GPATCH2: variants seen among roughly 807,000 people sequenced by gnomAD.
The protein encoded by GPATCH2 is G-patch domain containing 2.
A neutral mutation model predicts 58.0 loss-of-function variants in GPATCH2; 51 were observed. That is an observed-to-expected ratio of 0.88 (90% confidence interval 0.70 to 1.11). The LOEUF (loss-of-function observed/expected upper bound fraction) is 1.11. Among genes scored for constraint, GPATCH2 ranks in the 50% most tolerant of loss-of-function variants. The pLI, the probability that GPATCH2 is intolerant of heterozygous loss-of-function variation, is 0.00. For synonymous variants in GPATCH2, 222 were observed against 218.5 expected, an observed-to-expected ratio of 1.02 and a Z score of -0.14; for missense variants, 625 against 652.2, an observed-to-expected ratio of 0.96 and a Z score of 0.45.
intron 5 of GPATCH2, among the ~76,000 whole-genome samples, chr1:217,538,111 C>A (rs533877846): frequency 6.6e-6 from 1 of 152,044 alleles, no homozygotes; most frequent in African/African-American, 2.4e-5. Context: ...AATCTACATC[C>A]ATTTAAAAAA....
At chr1:217,579,604 CCAA>C (rs1404549354) in intron 5 of GPATCH2, among the ~76,000 whole-genome samples, 1 of 152,088 alleles carries the variant, frequency 6.6e-6, no homozygotes, top group Non-Finnish European at 1.5e-5. Flanking sequence ...TTGGGGTTGA[CCAA>C]CAACCTATAG....
intron 7 of GPATCH2, chr1:217,498,143 G>A (rs1017641660): frequency 7.8e-6 from 5 of 637,566 alleles, no homozygotes; most frequent in African/African-American, 1.8e-5. Context: ...TATGACTGAA[G>A]ACAGTGGCAG....
At chr1:217,612,739 T>C (rs1460696876) in intron 3 of GPATCH2, among the ~76,000 whole-genome samples, 1 of 152,110 alleles carries the variant, frequency 6.6e-6, no homozygotes, top group African/African-American at 2.4e-5. Context: ...TATTCTTCAA[T>C]AGGGAAATCA....
rs139524969 is a variant in GPATCH2 at position 217,487,692 on chromosome 1, T to C, written c.1277+3988A>G. Among the ~76,000 whole-genome samples the C allele has an allele frequency of 3.1e-3, 479 of 152,282 alleles. 8 individuals are homozygous for C. The highest frequency in any genetic ancestry group is 0.021 in the Admixed American group (318 of 15,296). On this transcript the variant is annotated intron_variant, in intron 8 of 9. Coordinates refer to ENST00000366935, the MANE Select transcript of GPATCH2 (RefSeq NM_018040.5). ...CGCCCACCTCGGCCTCCCAAAGTGCTGGGATTGCAGGCATGAGCCACTGCA... is the reference window on the plus strand; with the variant it reads ...CGCCCACCTCGGCCTCCCAAAGTGCCGGGATTGCAGGCATGAGCCACTGCA...
At chr1:217,514,131 C>T (rs79797477) in intron 6 of GPATCH2, among the ~76,000 whole-genome samples, 14 of 145,214 alleles carry the variant, frequency 9.6e-5, no homozygotes, top group South Asian at 2.2e-4. Flanking sequence ...CTGGCCCCCC[C>T]GCAAAAAAAG....
At chr1:217,490,917 T>C (rs1303782337) in intron 8 of GPATCH2, among the ~76,000 whole-genome samples, 1 of 152,222 alleles carries the variant, frequency 6.6e-6, no homozygotes, top group African/African-American at 2.4e-5. Context: ...CAGTGGGATC[T>C]CAGTTGGCAT....
At chr1:217,473,712 A>G (rs1214612516) in intron 8 of GPATCH2, among the ~76,000 whole-genome samples, 1 of 152,214 alleles carries the variant, frequency 6.6e-6, no homozygotes, top group African/African-American at 2.4e-5. Context: ...TCAACATGAT[A>G]TAAGCAAGGT....
At chr1:217,502,089 C>T (rs1304571302) in intron 6 of GPATCH2, among the ~76,000 whole-genome samples, 1 of 152,044 alleles carries the variant, frequency 6.6e-6, no homozygotes, top group Non-Finnish European at 1.5e-5. Flanking sequence ...GTGTCTATCC[C>T]TCTACCAATA....
chr1:217,597,753 T>A (rs183637368), intron 5 of GPATCH2, among the ~76,000 whole-genome samples: 1 of 152,256 alleles, frequency 6.6e-6, no homozygotes, highest in East Asian at 1.9e-4. Flanking sequence ...CTGTCCTTGT[T>A]TATAACAAGA....
rs552301460 is a variant in GPATCH2 at position 217,494,779 on chromosome 1, A to T, written c.1207-3029T>A. The stretch of plus-strand genomic sequence containing the variant: ...GAAGACTCCCAACATATTTTTTTTT[A>T]AAGTCAGATTATGAATTCAAAACAA... On this transcript the variant is annotated intron_variant, in intron 7 of 9. Transcript: ENST00000366935. Among the ~76,000 whole-genome samples, 797 of 151,568 alleles carry T rather than the reference A, an allele frequency of 5.3e-3. 7 individuals are homozygous for T. Among genetic ancestry groups the T allele is most frequent in the African/African-American group, 0.018 (761 of 41,424 alleles).
At chr1:217,571,029 C>T (rs1666512639) in intron 5 of GPATCH2, among the ~76,000 whole-genome samples, 1 of 152,178 alleles carries the variant, frequency 6.6e-6, no homozygotes, top group Admixed American at 6.5e-5. Flanking sequence ...CTACCAGGTG[C>T]TATTCTTGGC....
In GPATCH2 at chr1:217,569,978, G is replaced by A. The variant is rs191576941; in HGVS notation, c.1098+40343C>T. Among the ~76,000 whole-genome samples, 599 of 152,204 alleles carry A rather than the reference G, an allele frequency of 3.9e-3. 3 individuals are homozygous for A. Among genetic ancestry groups the A allele is most frequent in the Non-Finnish European group, 5.0e-3 (341 of 68,002 alleles). Reference sequence around the variant, plus strand: ...TTGGAGGGTTGGTAGGGGTGACAAAGCCTCTTCAAATCCTCAGATTTTTGA... The same window carrying A: ...TTGGAGGGTTGGTAGGGGTGACAAAACCTCTTCAAATCCTCAGATTTTTGA... On this transcript the variant is annotated intron_variant, in intron 5 of 9. Transcript: ENST00000366935.
chr1:217,614,490 T>C (rs994004474), intron 2 of GPATCH2, among the ~76,000 whole-genome samples: 1 of 152,006 alleles, frequency 6.6e-6, no homozygotes, highest in African/African-American at 2.4e-5. Context: ...ATCATGTACT[T>C]TCATCAAATG....
intron 5 of GPATCH2, among the ~76,000 whole-genome samples, chr1:217,608,020 T>A (rs1668442535): frequency 6.6e-6 from 1 of 152,212 alleles, no homozygotes; most frequent in Admixed American, 6.5e-5. Flanking sequence ...TCACTTCTTA[T>A]TACCAGATGT....
At chr1:217,434,793 G>A (rs573565265) in intron 9 of GPATCH2, among the ~76,000 whole-genome samples, 7 of 152,022 alleles carry the variant, frequency 4.6e-5, no homozygotes, top group Non-Finnish European at 7.4e-5. Flanking sequence ...TTTCAAGCAG[G>A]GTAGCCCAGG....
intron 5 of GPATCH2, among the ~76,000 whole-genome samples, chr1:217,563,640 T>G (rs1287422445): frequency 6.6e-6 from 1 of 152,164 alleles, no homozygotes; most frequent in East Asian, 1.9e-4. Context: ...AGAGAAATAA[T>G]TTTTGACCCA....
At chr1:217,447,744 C>A (rs974848531) in intron 9 of GPATCH2, among the ~76,000 whole-genome samples, 1 of 152,084 alleles carries the variant, frequency 6.6e-6, no homozygotes, top group Non-Finnish European at 1.5e-5. Flanking sequence ...TAGAAGTGCT[C>A]CAATTTTAAG....
chr1:217,443,703 A>T (rs997418507), intron 9 of GPATCH2, among the ~76,000 whole-genome samples: 2 of 151,944 alleles, frequency 1.3e-5, no homozygotes, highest in African/African-American at 4.8e-5. Flanking sequence ...ATTTTCAATC[A>T]TTTTATCTCT....
chr1:217,486,509 GT>G (rs1661460204), intron 8 of GPATCH2, among the ~76,000 whole-genome samples: 1 of 152,070 alleles, frequency 6.6e-6, no homozygotes, highest in Non-Finnish European at 1.5e-5. Context: ...GTTTTTAAAT[GT>G]TTTATAGAGA....
Sources: allele counts gnomAD v4.1 joint callset (sites outside exome capture counted in the v4.1 genomes callset), GRCh38; gene constraint gnomAD v4.1.1; transcripts MANE v1.5; gene names NCBI Gene and HGNC (gene_info 2026-07-23, HGNC 2026-07-21).